The following DOCK1 variants were observed in gnomAD, a reference collection of about 807,000 sequenced individuals.
DOCK1 encodes dedicator of cytokinesis 1, also known as dedicator of cytokinesis protein 1.
DOCK1 carries 138 observed loss-of-function variants against 262.7 expected under a neutral mutation model. The ratio of observed to expected loss-of-function variants is 0.53; its 90% CI spans 0.46 to 0.61. The LOEUF (loss-of-function observed/expected upper bound fraction) is 0.61. Among genes scored for constraint, DOCK1 ranks in the 20% least tolerant of loss-of-function variants. The pLI, the probability that DOCK1 is intolerant of heterozygous loss-of-function variation, is 0.00. For synonymous variants in DOCK1, 866 were observed against 867.4 expected, an observed-to-expected ratio of 1.00 and a Z score of 0.03; for missense variants, 1,908 against 2,370.7, an observed-to-expected ratio of 0.80 and a Z score of 4.05.
At chr10:127,154,533 T>C (rs1010033017) in intron 27 of DOCK1, among the ~76,000 whole-genome samples, 20 of 152,242 alleles carry the variant, frequency 1.3e-4, no homozygotes, top group Non-Finnish European at 2.8e-4. Context: ...TTTATGAAAA[T>C]ACCTATTTCT....
intron 27 of DOCK1, among the ~76,000 whole-genome samples, chr10:127,187,622 A>T (rs893789784): frequency 3.3e-5 from 5 of 152,098 alleles, no homozygotes; most frequent in African/African-American, 1.2e-4. Flanking sequence ...GGAAGGAGGT[A>T]AACAAGCATT....
chr10:127,129,125 A>G (rs1022990360), intron 27 of DOCK1, among the ~76,000 whole-genome samples: 5 of 152,134 alleles, frequency 3.3e-5, no homozygotes, highest in African/African-American at 1.2e-4. Context: ...GTCTGGTGTC[A>G]CCACAGAGGA....
intron 29 of DOCK1, among the ~76,000 whole-genome samples, chr10:127,291,473 C>T (rs2061342717): frequency 6.6e-6 from 1 of 152,190 alleles, no homozygotes; most frequent in Non-Finnish European, 1.5e-5. Context: ...GGTCCTATGT[C>T]TAGTTCTGTC....
At chr10:127,010,763 C>A (rs1425282656) in intron 11 of DOCK1, among the ~76,000 whole-genome samples, 1 of 152,168 alleles carries the variant, frequency 6.6e-6, no homozygotes, top group Non-Finnish European at 1.5e-5. Flanking sequence ...ATAAAATACA[C>A]CTTTGTAAAA....
intron 35 of DOCK1, among the ~76,000 whole-genome samples, chr10:127,374,945 T>C (rs759435577): frequency 2.4e-4 from 36 of 152,158 alleles, no homozygotes; most frequent in Non-Finnish European, 4.0e-4. Flanking sequence ...AAGAAACATA[T>C]CTGTTGTTTT....
chr10:127,262,008 T>G (rs111210270), intron 29 of DOCK1, among the ~76,000 whole-genome samples: 111 of 56,820 alleles, frequency 2.0e-3, no homozygotes, highest in Admixed American at 2.5e-3. Flanking sequence ...GCTCATCTGT[T>G]TGTGTACCTG....
At chr10:127,320,161 G>A (rs903230235) in intron 29 of DOCK1, among the ~76,000 whole-genome samples, 27 of 151,766 alleles carry the variant, frequency 1.8e-4, no homozygotes, top group African/African-American at 6.3e-4. Flanking sequence ...AAGCTTCTGG[G>A]GCCTGGCCTT....
At chr10:127,049,023 G>T (rs1343560896) in intron 21 of DOCK1, among the ~76,000 whole-genome samples, 2 of 152,002 alleles carry the variant, frequency 1.3e-5, no homozygotes, top group Admixed American at 1.3e-4. Context: ...AGAAATAAAT[G>T]CGGGTATAAC....
chr10:127,197,530 G>A (rs1350416809), intron 27 of DOCK1, among the ~76,000 whole-genome samples: 1 of 152,160 alleles, frequency 6.6e-6, no homozygotes, highest in Non-Finnish European at 1.5e-5. Flanking sequence ...CTCCTAGAAT[G>A]TAATGTAAAA....
chr10:127,207,725 G>GA lies in DOCK1; in HGVS notation c.2848-40279dup, dbSNP rs200404776. Reference sequence around the variant, plus strand: ...AACATCGTAACATTTCAAAGGTCATGAAAACCCAGCTCTGCTGGTGAAGCA... The same window carrying GA: ...AACATCGTAACATTTCAAAGGTCATGAAAAACCCAGCTCTGCTGGTGAAGCA... On this transcript the variant is annotated intron_variant, in intron 27 of 51. Coordinates refer to ENST00000623213, the MANE Select transcript of DOCK1 (RefSeq NM_001290223.2). Among the ~76,000 whole-genome samples, 1,076 of 152,328 alleles carry GA rather than the reference G, an allele frequency of 7.1e-3. 10 individuals carry two copies. Among genetic ancestry groups the GA allele is most frequent in the Non-Finnish European group, 0.012 (795 of 68,028 alleles).
intron 1 of DOCK1, among the ~76,000 whole-genome samples, chr10:126,948,657 C>T (rs1158900846): frequency 1.3e-5 from 2 of 151,960 alleles, no homozygotes; most frequent in Admixed American, 6.6e-5. Flanking sequence ...GTCAGGTATG[C>T]TGAGCCAGAG....
rs779159161 is a variant in DOCK1, at chr10:127,030,679, T to A, written c.1625-971T>A. On this transcript the variant is annotated intron_variant, in intron 16 of 51. Coordinates refer to ENST00000623213, the MANE Select transcript of DOCK1 (RefSeq NM_001290223.2). The stretch of plus-strand genomic sequence containing the variant: ...TACCTGTTGGGCACCAGGCTCTATT[T>A]CATGTACTAGGAAATGGCAGTAAAA... Among the ~76,000 whole-genome samples the A allele has an allele frequency of 2.0e-5, 3 of 152,196 alleles. No homozygotes were observed. In the East Asian group the frequency reaches 5.8e-4, roughly 29 times the overall value.
rs1350944299 is a variant in DOCK1, at chr10:127,451,504, G to A, written c.*77G>A. On this transcript the variant is annotated 3_prime_UTR_variant, in exon 52 of 52. Transcript: ENST00000623213. ...CTCTCCTTCTGTGTCCCCTGAGTCTGCTGTTTACCTCATTGGGCCTGTGAT... is the reference window on the plus strand; with the variant it reads ...CTCTCCTTCTGTGTCCCCTGAGTCTACTGTTTACCTCATTGGGCCTGTGAT... The A allele has an allele frequency of 1.2e-5, 18 of 1,543,238 alleles. No homozygotes were observed. The highest frequency in any genetic ancestry group is 1.4e-5 in the Non-Finnish European group (16 of 1,145,060).
chr10:127,414,690 G>A (rs750881818), intron 43 of DOCK1, among the ~76,000 whole-genome samples: 3 of 151,836 alleles, frequency 2.0e-5, no homozygotes, highest in Non-Finnish European at 2.9e-5. Context: ...TTAAAATACC[G>A]ACTGGTTTTA....
chr10:126,962,744 TTAGC>T (rs1384986314), intron 1 of DOCK1, among the ~76,000 whole-genome samples: 3 of 152,248 alleles, frequency 2.0e-5, no homozygotes, highest in Non-Finnish European at 4.4e-5. Flanking sequence ...GAAGTCTAAC[TTAGC>T]TATCTTTTCT....
At chr10:127,346,141 C>G (rs763506954) in intron 31 of DOCK1, among the ~76,000 whole-genome samples, 9 of 152,204 alleles carry the variant, frequency 5.9e-5, no homozygotes, top group Non-Finnish European at 1.3e-4. Context: ...TCGGAGATGC[C>G]TGCGGGAGAA....
rs1450042739 is a variant in DOCK1 at position 127,437,929 on chromosome 10, G to C, written c.5061-1098G>C. On this transcript the variant is annotated intron_variant, in intron 48 of 51. Transcript: ENST00000623213. The surrounding 1 kb of genome is among the most constrained non-coding windows in gnomAD (Gnocchi z 4.4). Reference sequence around the variant, plus strand: ...CATGCTCCCCTTGAAGAAGCCAATTGCTTCTCCAGGCGGTCAAGGAAGTCA... The same window carrying C: ...CATGCTCCCCTTGAAGAAGCCAATTCCTTCTCCAGGCGGTCAAGGAAGTCA... Among the ~76,000 whole-genome samples, 1 of 152,198 alleles carries C rather than the reference G, an allele frequency of 6.6e-6. No individual in the cohort carries two copies. The highest frequency in any genetic ancestry group is 1.5e-5 in the Non-Finnish European group (1 of 68,036).
At chr10:127,262,412 G>A (rs1274911438) in intron 29 of DOCK1, among the ~76,000 whole-genome samples, 8 of 152,134 alleles carry the variant, frequency 5.3e-5, no homozygotes, top group Non-Finnish European at 8.8e-5. Context: ...AAGCTCCCAA[G>A]CCCACACAGC....
intron 27 of DOCK1, chr10:127,137,829 C>T (rs946371984): frequency 1.6e-5 from 26 of 1,609,462 alleles, no homozygotes; most frequent in South Asian, 1.4e-4. Context: ...CTCCAGACAC[C>T]GTGAGTGTTA....
Sources: gnomAD v4.1 joint callset for allele counts (sites outside exome capture counted in the v4.1 genomes callset) on GRCh38, gnomAD v4.1.1 for gene constraint, Gnocchi (gnomAD v3.1) non-coding constraint, MANE v1.5 for transcripts, NCBI Gene and HGNC (gene_info 2026-07-23, HGNC 2026-07-21) for gene names.